CADM2: variants seen among roughly 807,000 people sequenced by gnomAD.
The protein encoded by CADM2 is immunoglobulin superfamily member 4D.
A neutral mutation model predicts 49.8 loss-of-function variants in CADM2; 12 were observed. The ratio of observed to expected loss-of-function variants is 0.24; its 90% CI spans 0.15 to 0.39. CADM2 has a LOEUF of 0.39. Ranked by LOEUF, CADM2 falls within the 10% of genes least tolerant of loss-of-function variation. The pLI, the probability that CADM2 is intolerant of heterozygous loss-of-function variation, is 1.00. For missense variants in CADM2, 378 were observed against 492.3 expected (o/e 0.77, Z 2.20); for synonymous variants, 214 against 175.4 (o/e 1.22, Z -1.74).
chr3:85,107,241 T>C (rs1256654785), intron 1 of CADM2, among the ~76,000 whole-genome samples: 1 of 152,092 alleles, frequency 6.6e-6, no homozygotes, highest in African/African-American at 2.4e-5. Context: ...TGAAAAAGTT[T>C]TGCAAAAAAC....
At chr3:85,889,069 G>A (rs923280283) in intron 5 of CADM2, among the ~76,000 whole-genome samples, 2 of 152,122 alleles carry the variant, frequency 1.3e-5, no homozygotes, top group East Asian at 3.9e-4. Flanking sequence ...GTATTCTATG[G>A]TGCATTAGTG....
chr3:85,115,384 A>G (rs2038604869), intron 1 of CADM2, among the ~76,000 whole-genome samples: 1 of 152,200 alleles, frequency 6.6e-6, no homozygotes, highest in Non-Finnish European at 1.5e-5. Context: ...TAGAAAGTTC[A>G]TTAATGTTTT....
chr3:85,916,618 G>A (rs1176874677), intron 6 of CADM2, among the ~76,000 whole-genome samples: 1 of 152,050 alleles, frequency 6.6e-6, no homozygotes, highest in East Asian at 1.9e-4. Flanking sequence ...TGTAAATAGT[G>A]CCTCAATAAA....
intron 1 of CADM2, among the ~76,000 whole-genome samples, chr3:85,607,467 C>G (rs570776552): frequency 1.3e-5 from 2 of 152,138 alleles, no homozygotes; most frequent in South Asian, 4.1e-4. Context: ...ACTAGTAATA[C>G]TGTGAAGCTG....
chr3:85,982,580 C>T (rs892837123), intron 8 of CADM2, among the ~76,000 whole-genome samples: 2 of 151,632 alleles, frequency 1.3e-5, no homozygotes, highest in Non-Finnish European at 3.0e-5. Context: ...CCTAAGTCAC[C>T]AGACTCACCT....
intron 1 of CADM2, among the ~76,000 whole-genome samples, chr3:85,312,887 T>G (rs1336047504): frequency 6.6e-6 from 1 of 152,172 alleles, no homozygotes; most frequent in African/African-American, 2.4e-5. Context: ...CAAAATATTA[T>G]GTATTAAGAA....
At chr3:85,658,572 ATG>A (rs1202544525) in intron 1 of CADM2, among the ~76,000 whole-genome samples, 67 of 100,098 alleles carry the variant, frequency 6.7e-4, no homozygotes, top group Middle Eastern at 5.5e-3. Context: ...TATTGGATAT[ATG>A]TGTATATATA....
At chr3:85,871,330 T>G (rs2075919014) in intron 3 of CADM2, among the ~76,000 whole-genome samples, 1 of 152,184 alleles carries the variant, frequency 6.6e-6, no homozygotes, top group African/African-American at 2.4e-5. Flanking sequence ...CACTAAATGT[T>G]TTTTAAGTCT....
At chr3:85,161,267 C>A (rs1045268833) in intron 1 of CADM2, among the ~76,000 whole-genome samples, 19 of 152,072 alleles carry the variant, frequency 1.2e-4, no homozygotes, top group Admixed American at 1.3e-4. Flanking sequence ...TTTTTGAGAA[C>A]CTCAGTGGAA....
intron 1 of CADM2, among the ~76,000 whole-genome samples, chr3:85,356,621 A>G (rs2031883946): frequency 6.6e-6 from 1 of 152,182 alleles, no homozygotes; most frequent in Non-Finnish European, 1.5e-5. Context: ...AGAAACACGT[A>G]CATAATATTC....
At chr3:85,230,321 T>C (rs904680506) in intron 1 of CADM2, among the ~76,000 whole-genome samples, 1 of 152,224 alleles carries the variant, frequency 6.6e-6, no homozygotes. Flanking sequence ...AAATGTATTA[T>C]ATAGCTAAGC....
intron 3 of CADM2, among the ~76,000 whole-genome samples, chr3:85,811,222 A>G (rs1235638258): frequency 6.6e-6 from 1 of 152,160 alleles, no homozygotes; most frequent in Non-Finnish European, 1.5e-5. Context: ...TGTTTTTTGA[A>G]ATCAAAGTGA....
chr3:86,066,994 G>T lies in CADM2; in HGVS notation c.*211G>T. On this transcript the variant is annotated 3_prime_UTR_variant, in exon 10 of 10. Coordinates refer to ENST00000383699, the MANE Select transcript of CADM2 (RefSeq NM_001167675.2). ...TCCATAATGCAGGACATTTCTTACT[G>T]CCTAAATTTCACACCATTGCTCTTT... is the stretch of plus-strand genomic sequence containing the variant. The T allele has an allele frequency of 1.9e-6, 1 of 526,778 alleles. No individual in the cohort carries two copies. Among genetic ancestry groups the T allele is most frequent in the Non-Finnish European group, 3.4e-6 (1 of 294,644 alleles). The allele number at this position is 526,778 out of a possible 1,614,324, so 32.6% of individuals were successfully genotyped here. A position where few individuals can be genotyped will look rare whatever the true frequency, so the allele number is the denominator to read the frequency against.
At chr3:85,079,268 C>T (rs1575820954) in intron 1 of CADM2, among the ~76,000 whole-genome samples, 1 of 151,658 alleles carries the variant, frequency 6.6e-6, no homozygotes, top group African/African-American at 2.4e-5. Flanking sequence ...TTATTTATAA[C>T]AGTTATTCAC....
At chr3:85,129,514 G>T (rs1299180031) in intron 1 of CADM2, among the ~76,000 whole-genome samples, 1 of 152,108 alleles carries the variant, frequency 6.6e-6, no homozygotes, top group Non-Finnish European at 1.5e-5. Flanking sequence ...TAGAGTAGTA[G>T]TTTGATTCCA....
intron 5 of CADM2, among the ~76,000 whole-genome samples, chr3:85,894,013 T>C (rs1714852663): frequency 6.6e-6 from 1 of 152,192 alleles, no homozygotes; most frequent in Non-Finnish European, 1.5e-5. Context: ...ACCCAAAGGA[T>C]TATAAATCAT....
chr3:85,146,776 G>GC (rs1368387290), intron 1 of CADM2, among the ~76,000 whole-genome samples: 1 of 152,096 alleles, frequency 6.6e-6, no homozygotes, highest in African/African-American at 2.4e-5. Flanking sequence ...TGAATTTAAT[G>GC]CATTATTTCA....
At chr3:85,160,449 T>C (rs910215924) in intron 1 of CADM2, among the ~76,000 whole-genome samples, 1 of 152,176 alleles carries the variant, frequency 6.6e-6, no homozygotes, top group Admixed American at 6.5e-5. Context: ...CAGGAACGCA[T>C]GCACACACTC....
intron 3 of CADM2, among the ~76,000 whole-genome samples, chr3:85,847,954 G>T (rs1421645936): frequency 6.6e-6 from 1 of 151,848 alleles, no homozygotes; most frequent in South Asian, 2.1e-4. Context: ...TAATTTATTA[G>T]TTATTTGATA....
Sources: allele counts gnomAD v4.1 joint callset (sites outside exome capture counted in the v4.1 genomes callset), GRCh38; gene constraint gnomAD v4.1.1; transcripts MANE v1.5; gene names NCBI Gene and HGNC (gene_info 2026-07-23, HGNC 2026-07-21).